Variants in MTCL2 observed in about 807,000 individuals in gnomAD.
MTCL2 encodes microtubule cross-linking factor 2.
the MTCL2 span, chr20:36,863,251 G>T: frequency 2.5e-6 from 3 of 1,197,250 alleles, no homozygotes; most frequent in Non-Finnish European, 3.1e-6. The surrounding 1 kb of genome is among the most constrained non-coding windows in gnomAD (Gnocchi z 6.2). Context: ...GACGGCGCGC[G>T]GTGGCTCTTT....
chr20:36,797,619 A>G, the MTCL2 span: 1 of 1,526,360 alleles, frequency 6.6e-7, no homozygotes, highest in East Asian at 2.5e-5. Context: ...CAAAGCTGGT[A>G]TGCAGGACCC....
chr20:36,803,433 C>T, the MTCL2 span, among the ~76,000 whole-genome samples: 2 of 152,048 alleles, frequency 1.3e-5, no homozygotes, highest in African/African-American at 4.8e-5. Flanking sequence ...CTCAGAGTGG[C>T]AGGAAAGGGA....
the MTCL2 span, chr20:36,808,411 G>C: frequency 2.2e-6 from 2 of 916,028 alleles, no homozygotes; most frequent in Non-Finnish European, 3.3e-6. Flanking sequence ...CTGATGGCAG[G>C]TATGTGAGCC....
chr20:36,788,780 CTCTT>C, the MTCL2 span, among the ~76,000 whole-genome samples: 1 of 151,688 alleles, frequency 6.6e-6, no homozygotes, highest in African/African-American at 2.4e-5. Context: ...CCTCCCCTCT[CTCTT>C]TTTTTCTTTT....
At chr20:36,809,677 G>A in the MTCL2 span, among the ~76,000 whole-genome samples, 65 of 151,274 alleles carry the variant, frequency 4.3e-4, no homozygotes, top group Non-Finnish European at 8.2e-4. Flanking sequence ...CTGGGTTCAA[G>A]CGGTTCTCTT....
At chr20:36,830,402 C>T in the MTCL2 span, among the ~76,000 whole-genome samples, 7 of 152,044 alleles carry the variant, frequency 4.6e-5, no homozygotes, top group African/African-American at 1.7e-4. Context: ...CCCACCTCTA[C>T]AAAAAACCCA....
chr20:36,784,035 A>C, the MTCL2 span: 1 of 985,692 alleles, frequency 1.0e-6, no homozygotes, highest in Non-Finnish European at 1.2e-6. Context: ...GGCAAGGACA[A>C]TCCTGGACGG....
chr20:36,791,638 T>C, the MTCL2 span, among the ~76,000 whole-genome samples: 1 of 152,200 alleles, frequency 6.6e-6, no homozygotes. Context: ...AGAGTTTCCT[T>C]CTTTCAGAAA....
chr20:36,843,190 C>T, the MTCL2 span, among the ~76,000 whole-genome samples: 4 of 152,324 alleles, frequency 2.6e-5, no homozygotes, highest in South Asian at 8.3e-4. Context: ...TCTCTCTTCA[C>T]TCCTGCCTGC....
chr20:36,794,785 T>C, the MTCL2 span: 2 of 704,114 alleles, frequency 2.8e-6, no homozygotes, highest in Non-Finnish European at 4.7e-6. This position sits in a 1 kb window ranked among gnomAD's most constrained non-coding sequence, Gnocchi z 5.4. Context: ...TTTTTTTTTC[T>C]CCCAAACAGG....
the MTCL2 span, among the ~76,000 whole-genome samples, chr20:36,835,251 C>T: frequency 9.2e-5 from 14 of 152,224 alleles, no homozygotes; most frequent in African/African-American, 3.1e-4. Context: ...AAGGCCCCAC[C>T]GAGGTTCTGT....
chr20:36,839,068 G>T, the MTCL2 span: 1 of 673,282 alleles, frequency 1.5e-6, no homozygotes, highest in Non-Finnish European at 2.5e-6. The surrounding 1 kb of genome is among the most constrained non-coding windows in gnomAD (Gnocchi z 5.1). Context: ...GGGTTCACCA[G>T]GAATTCCTAC....
chr20:36,848,380 G>C, the MTCL2 span, among the ~76,000 whole-genome samples: 1 of 152,214 alleles, frequency 6.6e-6, no homozygotes, highest in Non-Finnish European at 1.5e-5. Context: ...TGATTCCCAA[G>C]AATCCTGGGA....
At chr20:36,833,279 C>T in the MTCL2 span, among the ~76,000 whole-genome samples, 1 of 152,226 alleles carries the variant, frequency 6.6e-6, no homozygotes, top group Non-Finnish European at 1.5e-5. Flanking sequence ...AAGGGCCCCA[C>T]GTGTCTATCC....
chr20:36,828,073 G>A, the MTCL2 span, among the ~76,000 whole-genome samples: 1 of 152,200 alleles, frequency 6.6e-6, no homozygotes, highest in Non-Finnish European at 1.5e-5. Context: ...TGGCAGGCTC[G>A]CCCTCGGGGG....
At chr20:36,821,937 G>T in the MTCL2 span, among the ~76,000 whole-genome samples, 62 of 152,200 alleles carry the variant, frequency 4.1e-4, no homozygotes, top group Non-Finnish European at 8.4e-4. Flanking sequence ...TCCCCAAGAA[G>T]TCACCAAACA....
At chr20:36,810,706 TTCTCTCTCTCCCTC>T in the MTCL2 span, among the ~76,000 whole-genome samples, 92 of 61,074 alleles carry the variant, frequency 1.5e-3, 1 homozygote, top group African/African-American at 4.8e-3. Flanking sequence ...CCTCCCCTCC[TTCTCTCTCTCCCTC>T]TCTCTCTCTC....
chr20:36,808,710 G>A, the MTCL2 span: 17 of 1,603,918 alleles, frequency 1.1e-5, no homozygotes, highest in Non-Finnish European at 1.4e-5. Flanking sequence ...TCAAACTCCC[G>A]CCTCAGGAGC....
At chr20:36,844,808 G>A in the MTCL2 span, among the ~76,000 whole-genome samples, 1 of 151,926 alleles carries the variant, frequency 6.6e-6, no homozygotes, top group Non-Finnish European at 1.5e-5. Context: ...ACCATTTGAG[G>A]TCAGGAGTTC....
Sources: allele counts gnomAD v4.1 joint callset (sites outside exome capture counted in the v4.1 genomes callset), GRCh38; gene constraint gnomAD v4.1.1; non-coding constraint Gnocchi (gnomAD v3.1); transcripts MANE v1.5; gene names NCBI Gene and HGNC (gene_info 2026-07-23, HGNC 2026-07-21).